The following PRELID2 variants were observed in gnomAD, a reference collection of about 807,000 sequenced individuals.
PRELID2 encodes PRELI domain-containing protein 2.
In PRELID2, 25 loss-of-function variants were observed where a neutral mutation model predicts 28.4. The ratio of observed to expected loss-of-function variants is 0.88; its 90% confidence interval spans 0.64 to 1.23. PRELID2 has a LOEUF of 1.23. Among genes scored for constraint, PRELID2 ranks in the 50% most tolerant of loss-of-function variants. The pLI is 0.00. For missense variants in PRELID2, 201 were observed against 214.4 expected (o/e 0.94, Z 0.39); for synonymous variants, 76 against 71.6 (o/e 1.06, Z -0.31).
the PRELID2 span, among the ~76,000 whole-genome samples, chr5:145,311,511 C>G: frequency 6.6e-6 from 1 of 152,054 alleles, no homozygotes; most frequent in East Asian, 1.9e-4. Context: ...CTATCTGGAC[C>G]CTGTTGGCTG....
chr5:145,431,203 C>T, the PRELID2 span, among the ~76,000 whole-genome samples: 7 of 151,804 alleles, frequency 4.6e-5, no homozygotes, highest in Non-Finnish European at 8.8e-5. Context: ...TTTTTATCCA[C>T]TCCCAATCAC....
rs978632630 is a variant in PRELID2 at position 145,728,705 on chromosome 5, A to C, written n.70+36226T>G. On this transcript the variant is annotated intron_variant and non_coding_transcript_variant, in intron 1 of 2. Coordinates refer to the PRELID2 transcript ENST00000510259. ...CCACTGATTTCACTTCAGCAAGTCC[A>C]AATATAGCCCAGAACAGTGTCTTAA... 3.0e-5 allele frequency: 47 copies of C among 1,561,690 alleles called. 1 individual carries two copies. The African/African-American group carries it at 3.8e-4, about 13-fold the overall frequency.
intron 5 of PRELID2, among the ~76,000 whole-genome samples, chr5:145,777,490 T>G (rs1758484188): frequency 6.6e-6 from 1 of 152,236 alleles, no homozygotes; most frequent in Admixed American, 6.5e-5. Context: ...GATCTTGATC[T>G]TGGGCAAGTC....
At chr5:145,502,326 G>C (rs889126625) in intron 1 of PRELID2, among the ~76,000 whole-genome samples, 1 of 152,098 alleles carries the variant, frequency 6.6e-6, no homozygotes, top group Non-Finnish European at 1.5e-5. Flanking sequence ...TGAGAGAATT[G>C]TGCTAACCCA....
At chr5:145,565,896 A>C (rs1444583053) in intron 1 of PRELID2, among the ~76,000 whole-genome samples, 1 of 152,238 alleles carries the variant, frequency 6.6e-6, no homozygotes, top group East Asian at 1.9e-4. Flanking sequence ...TAAAATAATC[A>C]GATTATTCTG....
chr5:145,504,454 T>A (rs962665309), intron 1 of PRELID2, among the ~76,000 whole-genome samples: 1 of 152,172 alleles, frequency 6.6e-6, no homozygotes, highest in African/African-American at 2.4e-5. Flanking sequence ...GCGATACACA[T>A]AACATTTTCT....
chr5:145,825,362 C>CT (rs1755125248), intron 1 of PRELID2, among the ~76,000 whole-genome samples: 1 of 150,100 alleles, frequency 6.7e-6, no homozygotes, highest in South Asian at 2.2e-4. Flanking sequence ...GGAAAGGAGA[C>CT]TTTCGCTTAC....
intron 1 of PRELID2, among the ~76,000 whole-genome samples, chr5:145,729,878 C>G (rs1403797527): frequency 2.0e-5 from 3 of 152,090 alleles, no homozygotes; most frequent in African/African-American, 7.2e-5. Context: ...CTGTGAAGGC[C>G]CTGAGCTCTG....
At chr5:145,622,178 T>C (rs918569834) in intron 1 of PRELID2, among the ~76,000 whole-genome samples, 1 of 152,110 alleles carries the variant, frequency 6.6e-6, no homozygotes, top group Admixed American at 6.5e-5. Context: ...GTTGAGGAAA[T>C]CTGGGGAATA....
At chr5:145,278,311 T>C in the PRELID2 span, among the ~76,000 whole-genome samples, 485 of 152,320 alleles carry the variant, frequency 3.2e-3, 2 homozygotes, top group Admixed American at 5.6e-3. Flanking sequence ...TGACAGTTTC[T>C]GTATATCAGT....
intron 1 of PRELID2, among the ~76,000 whole-genome samples, chr5:145,736,662 C>G (rs146272371): frequency 6.6e-6 from 1 of 152,028 alleles, no homozygotes; most frequent in Non-Finnish European, 1.5e-5. Flanking sequence ...TGTAAAGGGA[C>G]AGAGGGCAGC....
chr5:145,694,441 G>A (rs563375294), intron 1 of PRELID2, among the ~76,000 whole-genome samples: 1 of 152,056 alleles, frequency 6.6e-6, no homozygotes, highest in South Asian at 2.1e-4. Flanking sequence ...TTTCTTATGT[G>A]CTTTTGCTTT....
At chr5:145,660,814 T>C (rs1358709039) in intron 1 of PRELID2, among the ~76,000 whole-genome samples, 1 of 152,220 alleles carries the variant, frequency 6.6e-6, no homozygotes, top group African/African-American at 2.4e-5. Flanking sequence ...CTGAAGAGTT[T>C]GAATAAAATT....
Position 145,594,357 on chromosome 5 carries a change from A to C in PRELID2, n.71-121042T>G, listed in dbSNP as rs575439327. ...TTTGGTGTTTTTTTTGTTTTGAGTC[A>C]GTGTATATCTAGTCCATGACACATT... On this transcript the variant is annotated intron_variant and non_coding_transcript_variant, in intron 1 of 2. Coordinates refer to the PRELID2 transcript ENST00000510259. Among the ~76,000 whole-genome samples the C allele has an allele frequency of 1.5e-4, 23 of 152,210 alleles. No homozygotes were observed. In the South Asian group the frequency reaches 4.6e-3, roughly 30 times the overall value.
chr5:145,518,883 T>C (rs1230765587), intron 1 of PRELID2, among the ~76,000 whole-genome samples: 1 of 152,218 alleles, frequency 6.6e-6, no homozygotes, highest in African/African-American at 2.4e-5. Context: ...CAGTCCAAAT[T>C]GTCAATAGTT....
At chr5:145,716,988 C>T (rs1344600886) in intron 1 of PRELID2, among the ~76,000 whole-genome samples, 4 of 151,850 alleles carry the variant, frequency 2.6e-5, no homozygotes, top group Admixed American at 6.6e-5. Context: ...TAATGGAATG[C>T]GTGAATAAAG....
At chr5:145,633,123 C>T (rs536316748) in intron 1 of PRELID2, among the ~76,000 whole-genome samples, 1 of 152,272 alleles carries the variant, frequency 6.6e-6, no homozygotes, top group East Asian at 1.9e-4. Flanking sequence ...CTAGTCAAGC[C>T]TCCAAATGAG....
chr5:145,646,199 A>C (rs1394187525), intron 1 of PRELID2, among the ~76,000 whole-genome samples: 1 of 152,034 alleles, frequency 6.6e-6, no homozygotes, highest in East Asian at 1.9e-4. Flanking sequence ...CTTTTCACAT[A>C]GTCTCATATT....
the PRELID2 span, among the ~76,000 whole-genome samples, chr5:145,312,026 C>A: frequency 2.0e-4 from 30 of 152,038 alleles, no homozygotes; most frequent in Admixed American, 3.9e-4. Flanking sequence ...ACATACTTAT[C>A]ATTTTTTATG....
Sources: gnomAD v4.1 joint callset for allele counts (sites outside exome capture counted in the v4.1 genomes callset) on GRCh38, gnomAD v4.1.1 for gene constraint, MANE v1.5 for transcripts, NCBI Gene and HGNC (gene_info 2026-07-23, HGNC 2026-07-21) for gene names.